The following TBC1D32 variants were observed in gnomAD, a reference collection of about 807,000 sequenced individuals.
TBC1D32 encodes the protein protein broad-minded.
TBC1D32 carries 151 observed loss-of-function variants against 170.3 expected under a neutral mutation model. The observed-to-expected ratio is 0.89, with a 90% CI of 0.78 to 1.01. The LOEUF is 1.01. Among genes scored for constraint, TBC1D32 ranks in the 50% least tolerant of loss-of-function variants. The pLI, the probability that TBC1D32 is intolerant of heterozygous loss-of-function variation, is 0.00. For missense variants in TBC1D32, 1,464 were observed against 1,457.1 expected, an observed-to-expected ratio of 1.00 and a Z score of -0.08; for synonymous variants, 498 against 488.0, an observed-to-expected ratio of 1.02 and a Z score of -0.27.
At chr6:121,238,941 T>G in intron 20 of TBC1D32, 129 bp downstream of exon 20, 1 of 467,334 alleles carries the variant, frequency 2.1e-6, no homozygotes, top group East Asian at 3.2e-5. Context: ...AGTTTGAAAA[T>G]TAAAAAGAGG....
chr6:121,143,935 A>T (rs1402563865), intron 24 of TBC1D32, among the ~76,000 whole-genome samples: 2 of 152,136 alleles, frequency 1.3e-5, no homozygotes, highest in Admixed American at 6.5e-5. Context: ...AGTGACACAG[A>T]TATCAGCAAT....
chr6:121,171,293 A>C (rs895257717), intron 22 of TBC1D32, among the ~76,000 whole-genome samples: 4 of 151,150 alleles, frequency 2.6e-5, no homozygotes, highest in Non-Finnish European at 4.4e-5. Context: ...CTTAAAAGAA[A>C]CAGAGACGAA....
At chr6:121,221,793 A>T (rs932766955) in intron 21 of TBC1D32, among the ~76,000 whole-genome samples, 2 of 152,238 alleles carry the variant, frequency 1.3e-5, no homozygotes, top group Non-Finnish European at 2.9e-5. Context: ...CAAAGATGGA[A>T]TCCACTCCTG....
At chr6:121,171,643 A>C (rs1787020801) in intron 22 of TBC1D32, among the ~76,000 whole-genome samples, 2 of 152,154 alleles carry the variant, frequency 1.3e-5, no homozygotes, top group Non-Finnish European at 2.9e-5. Flanking sequence ...TATTTGCCTT[A>C]AAGTACTTAA....
intron 20 of TBC1D32, among the ~76,000 whole-genome samples, chr6:121,233,406 T>C (rs1264827490): frequency 6.6e-6 from 1 of 152,152 alleles, no homozygotes; most frequent in South Asian, 2.1e-4. Flanking sequence ...TAAGTGCTTA[T>C]ATATTTAGGA....
At chr6:121,270,495 A>C (rs141021961) in intron 15 of TBC1D32, among the ~76,000 whole-genome samples, 3,649 of 152,258 alleles carry the variant, frequency 0.024, 163 homozygotes, top group East Asian at 0.12. Flanking sequence ...CTACGCAAAT[A>C]AACTAGAAAA....
chr6:121,216,760 G>A (rs1793878474), intron 21 of TBC1D32, among the ~76,000 whole-genome samples: 1 of 152,172 alleles, frequency 6.6e-6, no homozygotes, highest in Admixed American at 6.5e-5. Flanking sequence ...TGAACTCAGA[G>A]ATTCTGTCTC....
At chr6:121,139,932 T>C (rs1303591439) in intron 24 of TBC1D32, 1 of 152,104 alleles carries the variant, frequency 6.6e-6, no homozygotes, top group Non-Finnish European at 1.5e-5. Flanking sequence ...TTTGCAACTA[T>C]AAAATATTTA....
chr6:121,230,183 A>T (rs538243274), intron 20 of TBC1D32, among the ~76,000 whole-genome samples: 1 of 152,172 alleles, frequency 6.6e-6, no homozygotes, highest in South Asian at 2.1e-4. Context: ...ACAAGTTTCA[A>T]GATAATCAAT....
intron 25 of TBC1D32, among the ~76,000 whole-genome samples, chr6:121,130,443 T>A (rs915593978): frequency 3.3e-5 from 5 of 152,054 alleles, no homozygotes; most frequent in Admixed American, 2.0e-4. Flanking sequence ...GATCGCACCA[T>A]GGCACTCCAG....
At chr6:121,319,340 G>A (rs898061777) in intron 2 of TBC1D32, among the ~76,000 whole-genome samples, 8 of 152,072 alleles carry the variant, frequency 5.3e-5, no homozygotes, top group African/African-American at 7.2e-5. Context: ...GTATATATAA[G>A]GATAACTGAG....
chr6:121,200,102 T>A (rs1791342631), intron 22 of TBC1D32, among the ~76,000 whole-genome samples: 1 of 151,318 alleles, frequency 6.6e-6, no homozygotes, highest in Non-Finnish European at 1.5e-5. Flanking sequence ...ACTCCCAAGT[T>A]TTGTTTTTAA....
intron 9 of TBC1D32, among the ~76,000 whole-genome samples, chr6:121,302,852 T>C (rs762620015): frequency 2.0e-5 from 3 of 152,148 alleles, no homozygotes; most frequent in African/African-American, 4.8e-5. Flanking sequence ...TTCTGGTTAA[T>C]TGGGCATTTA....
intron 15 of TBC1D32, among the ~76,000 whole-genome samples, chr6:121,277,012 G>A (rs1802308036): frequency 6.6e-6 from 1 of 152,168 alleles, no homozygotes; most frequent in Non-Finnish European, 1.5e-5. Context: ...CAGGATGTCA[G>A]TAAGGACAAA....
At chr6:121,235,839 G>A (rs1457218615) in intron 20 of TBC1D32, among the ~76,000 whole-genome samples, 2 of 152,276 alleles carry the variant, frequency 1.3e-5, no homozygotes, top group East Asian at 3.9e-4. Context: ...TCCACACAAT[G>A]TTCTGTCTGT....
chr6:121,213,469 T>C (rs113557599), intron 21 of TBC1D32, among the ~76,000 whole-genome samples: 9 of 5,610 alleles, frequency 1.6e-3, no homozygotes, highest in East Asian at 0.056. Flanking sequence ...AAAATAATAA[T>C]AAAATAAAAT....
At chr6:121,225,449 C>A in intron 20 of TBC1D32, among the ~76,000 whole-genome samples, 1 of 151,738 alleles carries the variant, frequency 6.6e-6, no homozygotes, top group African/African-American at 2.4e-5. Context: ...TACAAAAAAG[C>A]CTTTTAAAAT....
At chr6:121,152,674 T>C (rs1423943148) in intron 24 of TBC1D32, among the ~76,000 whole-genome samples, 1 of 152,190 alleles carries the variant, frequency 6.6e-6, no homozygotes, top group Non-Finnish European at 1.5e-5. Context: ...CATAGTCTCA[T>C]ATTTTTTGGA....
chr6:121,180,154 T>A (rs1788322416), intron 22 of TBC1D32, among the ~76,000 whole-genome samples: 1 of 152,136 alleles, frequency 6.6e-6, no homozygotes, highest in African/African-American at 2.4e-5. Flanking sequence ...TATGCAGATG[T>A]CAATTCATCC....
Sources: gnomAD v4.1 joint callset for allele counts (sites outside exome capture counted in the v4.1 genomes callset) on GRCh38, gnomAD v4.1.1 for gene constraint, MANE v1.5 for transcripts, NCBI Gene and HGNC (gene_info 2026-07-23, HGNC 2026-07-21) for gene names.